The following DSCAM variants were observed in gnomAD, a reference collection of about 807,000 sequenced individuals.
The protein encoded by DSCAM is DS cell adhesion molecule.
In DSCAM, 47 loss-of-function variants were observed where a neutral mutation model predicts 217.7. The ratio of observed to expected loss-of-function variants is 0.22; its 90% CI spans 0.17 to 0.28. The LOEUF (loss-of-function observed/expected upper bound fraction) is 0.28. DSCAM is among the 10% of genes least tolerant of loss of function. The probability of loss-of-function intolerance (pLI) is 1.00; values close to 1 mark genes in which losing one functional copy is unlikely to be tolerated. For synonymous variants in DSCAM, 1,056 were observed against 1,015.3 expected, an observed-to-expected ratio of 1.04 and a Z score of -0.76; for missense variants, 2,080 against 2,618.3, an observed-to-expected ratio of 0.79 and a Z score of 4.49.
At chr21:40,100,456 C>T (rs962869810) in intron 20 of DSCAM, among the ~76,000 whole-genome samples, 1 of 151,998 alleles carries the variant, frequency 6.6e-6, no homozygotes, top group African/African-American at 2.4e-5. Context: ...TTATTGGATA[C>T]CAGATTTTCC....
At chr21:40,705,766 T>G (rs1394826682) in intron 2 of DSCAM, among the ~76,000 whole-genome samples, 1 of 152,176 alleles carries the variant, frequency 6.6e-6, no homozygotes, top group Non-Finnish European at 1.5e-5. Context: ...GAGATTTGGG[T>G]GCGGACATAG....
At chr21:40,615,627 T>C (rs894346646) in intron 3 of DSCAM, 1 of 152,162 alleles carries the variant, frequency 6.6e-6, no homozygotes, top group Admixed American at 6.5e-5. Flanking sequence ...ACATCTTACA[T>C]GCATGAGCTG....
At chr21:40,041,550 A>T (rs1207334878) in intron 32 of DSCAM, among the ~76,000 whole-genome samples, 1 of 152,132 alleles carries the variant, frequency 6.6e-6, no homozygotes, top group Non-Finnish European at 1.5e-5. Flanking sequence ...TTTCTTTTAG[A>T]CAGTAGTGAA....
chr21:40,654,596 G>A (rs1006696327), intron 3 of DSCAM, among the ~76,000 whole-genome samples: 13 of 152,110 alleles, frequency 8.5e-5, no homozygotes, highest in Non-Finnish European at 1.5e-5. Flanking sequence ...CTGAAGGCTC[G>A]AGGAGAAAGT....
chr21:40,516,888 C>CATATATAT lies in DSCAM; in HGVS notation c.509-147651_509-147644dup, dbSNP rs55695954. 2.8e-3 allele frequency among the ~76,000 whole-genome samples: 405 copies of CATATATAT among 143,474 alleles called. 3 individuals carry two copies. Among genetic ancestry groups the CATATATAT allele is most frequent in the African/African-American group, 8.0e-3 (314 of 39,366 alleles). 94.1% of individuals were successfully genotyped at this position (143,474 alleles called of 152,430 possible). On this transcript the variant is annotated intron_variant, in intron 3 of 32. Transcript: ENST00000400454. ...TACACACACATGCGCACACACACAC[C>CATATATAT]ATATATATATATATATATACACACA...
chr21:40,037,127 ACCAC>A (rs2088640966), intron 32 of DSCAM, among the ~76,000 whole-genome samples: 1 of 150,090 alleles, frequency 6.7e-6, no homozygotes, highest in South Asian at 2.1e-4. Context: ...GCCCTCTCTC[ACCAC>A]TCCTATTCAA....
At chr21:40,841,766 C>T (rs2092103733) in intron 1 of DSCAM, among the ~76,000 whole-genome samples, 1 of 152,232 alleles carries the variant, frequency 6.6e-6, no homozygotes, top group South Asian at 2.1e-4. Flanking sequence ...CGCCGGGGTT[C>T]CCTCGCGGCT....
chr21:40,240,349 GTTTTTTT>G (rs749073872), intron 11 of DSCAM, among the ~76,000 whole-genome samples: 2,532 of 57,862 alleles, frequency 0.044, 156 homozygotes, highest in East Asian at 0.31. Flanking sequence ...TTCCTCACTG[GTTTTTTT>G]TTTTTTTTTT....
intron 16 of DSCAM, among the ~76,000 whole-genome samples, chr21:40,159,395 T>TAC: frequency 6.6e-6 from 1 of 152,286 alleles, no homozygotes; most frequent in East Asian, 1.9e-4. Flanking sequence ...TATATCCACC[T>TAC]ATGCACTCCC....
chr21:40,800,931 G>T (rs1476874434), intron 1 of DSCAM, among the ~76,000 whole-genome samples: 2 of 149,868 alleles, frequency 1.3e-5, no homozygotes, highest in African/African-American at 2.4e-5. Context: ...GGTCAGGCTG[G>T]TCTCAAACTC....
Position 40,766,325 on chromosome 21 carries a change from ATGTGTG to A in DSCAM, c.44-57560_44-57555del, listed in dbSNP as rs1173383870. The stretch of plus-strand genomic sequence containing the variant: ...CCTTTCAATTTTATATGTATTTGGT[ATGTGTG>A]TATATATATATATATTTTCAAAGGA... On this transcript the variant is annotated intron_variant, in intron 1 of 32. Transcript: ENST00000400454. Among the ~76,000 whole-genome samples the A allele has an allele frequency of 7.4e-3, 1,126 of 151,688 alleles. 12 individuals carry two copies. The highest frequency in any genetic ancestry group is 0.026 in the African/African-American group (1,073 of 41,324).
At chr21:40,054,987 C>A (rs1405974460) in intron 29 of DSCAM, among the ~76,000 whole-genome samples, 1 of 152,178 alleles carries the variant, frequency 6.6e-6, no homozygotes, top group East Asian at 1.9e-4. Flanking sequence ...AGCTATTCTT[C>A]TCATTATTAC....
At chr21:40,495,956 C>G (rs2076115080) in intron 3 of DSCAM, among the ~76,000 whole-genome samples, 1 of 151,924 alleles carries the variant, frequency 6.6e-6, no homozygotes, top group African/African-American at 2.4e-5. Context: ...AGTAAAATAT[C>G]TAGGAATAAG....
intron 3 of DSCAM, among the ~76,000 whole-genome samples, chr21:40,522,570 T>C (rs987854780): frequency 5.3e-5 from 8 of 152,184 alleles, no homozygotes; most frequent in Admixed American, 6.5e-5. Flanking sequence ...AAGTGGAGAG[T>C]TCTACTCTGT....
At chr21:40,674,719 G>A (rs568591914) in intron 3 of DSCAM, among the ~76,000 whole-genome samples, 3 of 137,388 alleles carry the variant, frequency 2.2e-5, no homozygotes, top group African/African-American at 5.5e-5. Context: ...TGCAAGCTCC[G>A]CCTCCCAGGT....
At chr21:40,477,435 T>C (rs1261947247) in intron 3 of DSCAM, among the ~76,000 whole-genome samples, 1 of 152,210 alleles carries the variant, frequency 6.6e-6, no homozygotes, top group Admixed American at 6.5e-5. Context: ...TAGTAGAAAT[T>C]TGCAATTTCT....
chr21:40,632,375 G>A (rs1373993201), intron 3 of DSCAM, among the ~76,000 whole-genome samples: 1 of 150,472 alleles, frequency 6.6e-6, no homozygotes, highest in Non-Finnish European at 1.5e-5. Flanking sequence ...AGGGTGAGAG[G>A]ACAGTTGTTT....
At chr21:40,060,067 A>G (rs1044012498) in intron 28 of DSCAM, among the ~76,000 whole-genome samples, 6 of 152,220 alleles carry the variant, frequency 3.9e-5, no homozygotes, top group African/African-American at 1.4e-4. Context: ...TTAATCCCAT[A>G]CAAATCCACC....
intron 11 of DSCAM, among the ~76,000 whole-genome samples, chr21:40,202,232 A>G (rs1470431114): frequency 6.6e-6 from 1 of 152,212 alleles, no homozygotes; most frequent in African/African-American, 2.4e-5. Flanking sequence ...ATTCAGATGC[A>G]TTTCCCAGAA....
Sources: allele counts gnomAD v4.1 joint callset (sites outside exome capture counted in the v4.1 genomes callset), GRCh38; gene constraint gnomAD v4.1.1; transcripts MANE v1.5; gene names NCBI Gene and HGNC (gene_info 2026-07-23, HGNC 2026-07-21).